GYPE: variants seen among roughly 807,000 people sequenced by gnomAD.
GYPE encodes glycophorin-E.
A neutral mutation model predicts 11.6 loss-of-function variants in GYPE; 8 were observed. The observed-to-expected ratio is 0.69, with a 90% CI of 0.41 to 1.25. The LOEUF (loss-of-function observed/expected upper bound fraction) is 1.25. Among genes scored for constraint, GYPE ranks in the 50% most tolerant of loss-of-function variants. The pLI is 0.01. For synonymous variants in GYPE, 28 were observed against 29.6 expected (o/e 0.94, Z 0.18); for missense variants, 90 against 92.8 (o/e 0.97, Z 0.12).
rs1206562091 is a variant in GYPE at position 143,871,415 on chromosome 4, T to C, written c.*847A>G. On this transcript the variant is annotated 3_prime_UTR_variant, in exon 4 of 4. Coordinates refer to ENST00000358615, the MANE Select transcript of GYPE (RefSeq NM_198682.3). ...ACGGCTGAAACCAAGAGGCACTGAT[T>C]ACCACCTCACTCTAAAGAGAATTAC... 1 of 152,212 alleles carries C rather than the reference T, an allele frequency of 6.6e-6. No individual in the cohort carries two copies. The highest frequency in any genetic ancestry group is 1.5e-5 in the Non-Finnish European group (1 of 68,074). The allele number at this position is 152,212 out of a possible 1,614,324, so 9.4% of individuals were successfully genotyped here. A position where few individuals can be genotyped will look rare whatever the true frequency, so the allele number is the denominator to read the frequency against.
intron 2 of GYPE, chr4:143,878,596 T>A (rs1743898427): frequency 2.1e-6 from 1 of 465,714 alleles, no homozygotes; most frequent in African/African-American, 2.0e-5. Context: ...ATGGGATAGT[T>A]TAAAATGGAA....
chr4:143,900,532 C>T (rs1472228090), intron 1 of GYPE, among the ~76,000 whole-genome samples: 1 of 142,416 alleles, frequency 7.0e-6, no homozygotes, highest in Non-Finnish European at 1.5e-5. Context: ...GGAAACAACA[C>T]AAATTTTAAT....
At chr4:143,878,958 A>C (rs372487553) in intron 2 of GYPE, among the ~76,000 whole-genome samples, 3 of 152,222 alleles carry the variant, frequency 2.0e-5, no homozygotes, top group South Asian at 2.1e-4. Flanking sequence ...GTATTGGAAG[A>C]ATCACTTATT....
intron 1 of GYPE, among the ~76,000 whole-genome samples, chr4:143,903,627 T>C (rs1292394959): frequency 6.6e-6 from 1 of 151,846 alleles, no homozygotes; most frequent in Non-Finnish European, 1.5e-5. Flanking sequence ...CTTTCTGTTA[T>C]ACTATTAAGT....
intron 1 of GYPE, among the ~76,000 whole-genome samples, chr4:143,891,518 TG>T (rs1414333955): frequency 6.6e-6 from 1 of 151,662 alleles, no homozygotes; most frequent in African/African-American, 2.4e-5. Flanking sequence ...TTAGTAGAGA[TG>T]GGGTTTCACT....
intron 1 of GYPE, among the ~76,000 whole-genome samples, chr4:143,882,512 T>C (rs1479779114): frequency 6.6e-6 from 1 of 152,198 alleles, no homozygotes; most frequent in African/African-American, 2.4e-5. Context: ...GGTTTAGCTA[T>C]GAAAGTGTTA....
At chr4:143,902,706 C>A (rs1349370997) in intron 1 of GYPE, among the ~76,000 whole-genome samples, 1 of 151,910 alleles carries the variant, frequency 6.6e-6, no homozygotes, top group Admixed American at 6.6e-5. Context: ...AAATACCAAT[C>A]GGGAACTGTG....
Position 143,893,450 on chromosome 4 carries a change from G to A in GYPE, c.37+12021C>T, listed in dbSNP as rs569460545. On this transcript the variant is annotated intron_variant, in intron 1 of 3. Coordinates refer to ENST00000358615, the MANE Select transcript of GYPE (RefSeq NM_198682.3). Reference sequence around the variant, plus strand: ...GCATGATTTTGCAGCGGCTGTTACCGGATGTGCCTTTCCATGTTTAGTGCT... The same window carrying A: ...GCATGATTTTGCAGCGGCTGTTACCAGATGTGCCTTTCCATGTTTAGTGCT... 1.0e-3 allele frequency among the ~76,000 whole-genome samples: 152 copies of A among 150,956 alleles called. No homozygotes were observed. The East Asian group carries it at 0.016, about 16-fold the overall frequency.
At chr4:143,882,543 A>G (rs1284908565) in intron 1 of GYPE, among the ~76,000 whole-genome samples, 2 of 152,200 alleles carry the variant, frequency 1.3e-5, no homozygotes, top group Admixed American at 6.5e-5. Flanking sequence ...TAATAAAATA[A>G]CAAGCCAAAA....
intron 1 of GYPE, among the ~76,000 whole-genome samples, chr4:143,895,171 G>T (rs1299755126): frequency 6.6e-6 from 1 of 152,154 alleles, no homozygotes; most frequent in East Asian, 1.9e-4. Context: ...TTAGGCAGGA[G>T]AACGAAATAA....
chr4:143,880,903 T>A (rs532806951), intron 1 of GYPE, among the ~76,000 whole-genome samples: 1 of 150,744 alleles, frequency 6.6e-6, no homozygotes, highest in South Asian at 2.1e-4. Flanking sequence ...GCATTACATG[T>A]ATGTTGGGTA....
At chr4:143,894,138 C>G (rs555955111) in intron 1 of GYPE, among the ~76,000 whole-genome samples, 2 of 152,164 alleles carry the variant, frequency 1.3e-5, no homozygotes, top group South Asian at 4.2e-4. Flanking sequence ...ACGTAGTTCT[C>G]GAGGCTTGGC....
intron 1 of GYPE, among the ~76,000 whole-genome samples, chr4:143,889,604 C>A (rs1202055988): frequency 6.6e-6 from 1 of 152,204 alleles, no homozygotes; most frequent in East Asian, 1.9e-4. Context: ...TAGGCTCAAG[C>A]AATTCTCCTG....
intron 1 of GYPE, among the ~76,000 whole-genome samples, chr4:143,892,178 C>A (rs1560946877): frequency 1.3e-5 from 2 of 152,070 alleles, no homozygotes. Flanking sequence ...ATTTTTATTG[C>A]ATCTATTTGA....
At chr4:143,873,872 C>A (rs1261097609) in intron 3 of GYPE, among the ~76,000 whole-genome samples, 5 of 151,978 alleles carry the variant, frequency 3.3e-5, no homozygotes, top group African/African-American at 4.8e-5. Flanking sequence ...TGCTGAAGAA[C>A]TTTTTGGATG....
At chr4:143,889,914 G>C (rs12499429) in intron 1 of GYPE, among the ~76,000 whole-genome samples, 2 of 152,168 alleles carry the variant, frequency 1.3e-5, no homozygotes, top group African/African-American at 4.8e-5. Flanking sequence ...AAGTGGCAGA[G>C]CTGGATTTTG....
At chr4:143,879,140 T>C (rs1373703024) in intron 2 of GYPE, among the ~76,000 whole-genome samples, 3 of 152,154 alleles carry the variant, frequency 2.0e-5, no homozygotes, top group Admixed American at 2.0e-4. Flanking sequence ...ACTGTTACTG[T>C]GTCTCATTTG....
chr4:143,875,456 A>G (rs1411499786), intron 3 of GYPE: 2 of 1,550,608 alleles, frequency 1.3e-6, no homozygotes, highest in Non-Finnish European at 1.7e-6. Context: ...AGAGAACAGC[A>G]GGTGCAGCTG....
chr4:143,896,056 A>G (rs1744616516), intron 1 of GYPE, among the ~76,000 whole-genome samples: 2 of 152,210 alleles, frequency 1.3e-5, no homozygotes, highest in Non-Finnish European at 1.5e-5. Flanking sequence ...TAAAAACCCT[A>G]GAAGAAAACC....
Sources: allele counts gnomAD v4.1 joint callset (sites outside exome capture counted in the v4.1 genomes callset), GRCh38; gene constraint gnomAD v4.1.1; transcripts MANE v1.5; gene names NCBI Gene and HGNC (gene_info 2026-07-23, HGNC 2026-07-21).